Variants in WNT9B observed in about 807,000 individuals in gnomAD.
WNT9B encodes the protein Wnt family member 9B.
Under a neutral mutation model 30.2 loss-of-function variants are expected in WNT9B, and 12 were observed. The observed-to-expected ratio is 0.40, with a 90% CI of 0.26 to 0.64. The LOEUF (loss-of-function observed/expected upper bound fraction) is 0.64, where lower values mean the gene tolerates loss of function less well. WNT9B is among the 30% of genes least tolerant of loss of function. WNT9B has a pLI of 0.42. For synonymous variants in WNT9B, 218 were observed against 216.9 expected, an observed-to-expected ratio of 1.01 and a Z score of -0.05; for missense variants, 442 against 485.2, an observed-to-expected ratio of 0.91 and a Z score of 0.84.
chr17:46,851,426 G>C (rs12950219), upstream of WNT9B, among the ~76,000 whole-genome samples: 2 of 151,196 alleles, frequency 1.3e-5, no homozygotes, highest in African/African-American at 4.8e-5. This position sits in a 1 kb window ranked among gnomAD's most constrained non-coding sequence, Gnocchi z 4.3. Context: ...GTCCAGGGGC[G>C]GCTGCCCCAC....
At chr17:46,859,555 T>A (rs1030778496) in intron 1 of WNT9B, among the ~76,000 whole-genome samples, 1 of 152,174 alleles carries the variant, frequency 6.6e-6, no homozygotes, top group Non-Finnish European at 1.5e-5. Context: ...TTAAAAAAAA[T>A]TTTTCCCCAA....
At chr17:46,840,059 T>C (rs1309534092) in intron 1 of WNT9B, among the ~76,000 whole-genome samples, 1 of 150,188 alleles carries the variant, frequency 6.7e-6, no homozygotes, top group South Asian at 2.1e-4. Context: ...TCTCTCTCTC[T>C]TTCCTTTCTT....
chr17:46,846,407 A>G (rs1036808146), intron 1 of WNT9B, among the ~76,000 whole-genome samples: 2 of 152,358 alleles, frequency 1.3e-5, no homozygotes, highest in African/African-American at 4.8e-5. Context: ...GAAACAGGGG[A>G]CAGGGTCTCA....
In WNT9B at chr17:46,872,758, G is replaced by C; in HGVS notation, c.319G>C (p.Gly107Arg). The C allele has an allele frequency of 6.2e-7, 1 of 1,607,976 alleles. No homozygotes were observed. The highest frequency in any genetic ancestry group is 8.5e-7 in the Non-Finnish European group (1 of 1,177,612). ...RWNCSLEGRM[G>R]LLKRGFKETA... Reference sequence around the variant, plus strand: ...GAACTGTAGCCTGGAGGGCAGGATGGGCCTGCTCAAGAGAGGTGGGGAGGA... The same window carrying C: ...GAACTGTAGCCTGGAGGGCAGGATGCGCCTGCTCAAGAGAGGTGGGGAGGA... The change falls in exon 2 of 4, where the codon GGC becomes CGC. Residue 107 changes from glycine (G) to arginine (R), a missense_variant. Physicochemically the swap from Gly to Arg is moderately radical, Grantham distance 125. Transcript: ENST00000290015.
intron 2 of WNT9B, among the ~76,000 whole-genome samples, chr17:46,873,338 T>G (rs2085287907): frequency 6.6e-6 from 1 of 151,870 alleles, no homozygotes; most frequent in Non-Finnish European, 1.5e-5. Context: ...AGGCCCATAG[T>G]GAGCCAGGCA....
chr17:46,848,280 A>G (rs1236402901), upstream of WNT9B, among the ~76,000 whole-genome samples: 2 of 152,166 alleles, frequency 1.3e-5, no homozygotes, highest in Admixed American at 6.5e-5. Context: ...TGCTTCCGTC[A>G]CCACACATGT....
chr17:46,849,411 C>T (rs1248576032), upstream of WNT9B, among the ~76,000 whole-genome samples: 1 of 152,236 alleles, frequency 6.6e-6, no homozygotes, highest in Non-Finnish European at 1.5e-5. Context: ...AGCAGCTGGG[C>T]AGCCTGAGCT....
downstream of WNT9B, among the ~76,000 whole-genome samples, chr17:46,882,031 C>T (rs185399696): frequency 8.7e-4 from 133 of 152,232 alleles, no homozygotes; most frequent in African/African-American, 3.0e-3. Context: ...AGGTTCACAC[C>T]CATAATCCCA....
rs568737032 is a variant in WNT9B at position 46,875,332 on chromosome 17, G to A, written c.566G>A (p.Arg189Gln). Reference sequence around the variant, plus strand: ...AGAGGAAACAAGGACCTGCGGGCACGGGCAGACGCCCACAATACCCACGTG... The same window carrying A: ...AGAGGAAACAAGGACCTGCGGGCACAGGCAGACGCCCACAATACCCACGTG... Reference protein sequence around the residue: ...SKRGNKDLRARADAHNTHVGI... With the variant: ...SKRGNKDLRAQADAHNTHVGI... The change falls in exon 3 of 4, where the codon CGG (arginine) becomes CAG (glutamine). Residue 189 changes from arginine to glutamine, a missense_variant. Physicochemically the swap from Arg to Gln is conservative, Grantham distance 43. Transcript: ENST00000290015. 3.6e-5 allele frequency: 58 copies of A among 1,611,970 alleles called. No homozygotes were observed. In the East Asian group the frequency reaches 5.4e-4, roughly 15 times the overall value.
intron 1 of WNT9B, among the ~76,000 whole-genome samples, chr17:46,845,397 T>C (rs1335225169): frequency 6.6e-6 from 1 of 151,746 alleles, no homozygotes; most frequent in Non-Finnish European, 1.5e-5. Flanking sequence ...ATATTCACGG[T>C]GAGCCCAGTG....
chr17:46,884,019 G>C (rs2085458821), downstream of WNT9B, among the ~76,000 whole-genome samples: 1 of 152,036 alleles, frequency 6.6e-6, no homozygotes, highest in Non-Finnish European at 1.5e-5. Context: ...CCGCCATGGA[G>C]AGTGGGCAGT....
chr17:46,867,535 CT>C (rs1384672752), intron 1 of WNT9B, among the ~76,000 whole-genome samples: 2 of 152,250 alleles, frequency 1.3e-5, no homozygotes, highest in Non-Finnish European at 2.9e-5. Flanking sequence ...GGGCCCCACT[CT>C]CCAGGCAGGG....
intron 1 of WNT9B, among the ~76,000 whole-genome samples, chr17:46,865,360 G>A (rs1441777184): frequency 6.6e-6 from 1 of 152,188 alleles, no homozygotes; most frequent in Non-Finnish European, 1.5e-5. Flanking sequence ...GGCTGTGCTT[G>A]GAGAGACAAA....
chr17:46,836,386 C>A (rs2084632931), intron 1 of WNT9B, among the ~76,000 whole-genome samples: 1 of 151,882 alleles, frequency 6.6e-6, no homozygotes, highest in South Asian at 2.1e-4. Context: ...TTTCATGGAC[C>A]CAGAAGGAAA....
chr17:46,838,157 G>T (rs963825334), intron 1 of WNT9B, among the ~76,000 whole-genome samples: 1 of 152,042 alleles, frequency 6.6e-6, no homozygotes, highest in African/African-American at 2.4e-5. Flanking sequence ...TGTGTCACTG[G>T]CCCTACTGTT....
chr17:46,877,160 C>A lies in WNT9B; in HGVS notation c.*442C>A, dbSNP rs527400844. Reference sequence around the variant, plus strand: ...AGGCAGTGCCAGCTGGAAGTGAAGGCGGGAGCCTGGCTGAGATGGGTCAAT... The same window carrying A: ...AGGCAGTGCCAGCTGGAAGTGAAGGAGGGAGCCTGGCTGAGATGGGTCAAT... On this transcript the variant is annotated 3_prime_UTR_variant, in exon 4 of 4. Coordinates refer to ENST00000290015, the MANE Select transcript of WNT9B (RefSeq NM_003396.3). The A allele has an allele frequency of 1.1e-6, 1 of 905,600 alleles. No homozygotes were observed. The highest frequency in any genetic ancestry group is 1.3e-6 in the Non-Finnish European group (1 of 757,188). 56.1% of individuals were successfully genotyped at this position (905,600 alleles called of 1,614,324 possible). A position where few individuals can be genotyped will look rare whatever the true frequency, so the allele number is the denominator to read the frequency against.
At chr17:46,833,459 G>A in intron 1 of WNT9B, 1 of 504,016 alleles carries the variant, frequency 2.0e-6, no homozygotes, top group Non-Finnish European at 4.0e-6. Flanking sequence ...TAGGGAGGAA[G>A]GGACAGCCAA....
rs529202716 is a variant in WNT9B at position 46,839,740 on chromosome 17, C to T, written c.95+6300C>T. ...GTTCCCTGCCCTGTGTCCATGTGTT[C>T]TGATTGTTCAGTTCCCACCTATGAG... On this transcript the variant is annotated intron_variant, in intron 1 of 2. Coordinates refer to the WNT9B transcript ENST00000575372. Among the ~76,000 whole-genome samples, 3 of 151,950 alleles carry T rather than the reference C, an allele frequency of 2.0e-5. No homozygotes were observed. In the South Asian group the frequency reaches 6.3e-4, roughly 32 times the overall value.
chr17:46,883,438 C>A (rs1341236151), downstream of WNT9B, among the ~76,000 whole-genome samples: 12 of 151,856 alleles, frequency 7.9e-5, no homozygotes, highest in East Asian at 2.3e-3. Flanking sequence ...GCGCCTACCC[C>A]ACGCCCGGCC....
Sources: gnomAD v4.1 joint callset for allele counts (sites outside exome capture counted in the v4.1 genomes callset) on GRCh38, gnomAD v4.1.1 for gene constraint, Gnocchi (gnomAD v3.1) non-coding constraint, MANE v1.5 for transcripts, NCBI Gene and HGNC (gene_info 2026-07-23, HGNC 2026-07-21) for gene names.